The following ZFR2 variants were observed in gnomAD, a reference collection of about 807,000 sequenced individuals.
ZFR2 encodes the protein zinc finger RNA binding protein 2.
ZFR2 carries 104 observed loss-of-function variants against 105.7 expected under a neutral mutation model. The observed-to-expected ratio is 0.98, with a 90% CI of 0.84 to 1.16. The LOEUF (loss-of-function observed/expected upper bound fraction) is 1.16. ZFR2 is among the 50% of genes most tolerant of loss of function. The pLI is 0.00. For missense variants in ZFR2, 1,425 were observed against 1,355.5 expected (o/e 1.05, Z -0.80); for synonymous variants, 634 against 597.7 (o/e 1.06, Z -0.89).
intron 14 of ZFR2, among the ~76,000 whole-genome samples, chr19:3,812,375 C>G (rs1025251224): frequency 6.6e-6 from 1 of 152,116 alleles, no homozygotes; most frequent in African/African-American, 2.4e-5. Flanking sequence ...CCGCTGTGCC[C>G]GACCTAAAAA....
intron 18 of ZFR2, among the ~76,000 whole-genome samples, chr19:3,806,588 G>C (rs2037699633): frequency 2.6e-5 from 4 of 152,176 alleles, no homozygotes; most frequent in African/African-American, 9.7e-5. Context: ...TGCGGAGCTT[G>C]GGTCACTGCA....
intron 14 of ZFR2, among the ~76,000 whole-genome samples, chr19:3,812,246 AT>A (rs2037773717): frequency 6.6e-6 from 1 of 151,768 alleles, no homozygotes; most frequent in South Asian, 2.1e-4. Context: ...GCCTGGCCAA[AT>A]TTTTTTGTTT....
intron 1 of ZFR2, among the ~76,000 whole-genome samples, chr19:3,867,788 C>T (rs565990100): frequency 9.2e-4 from 140 of 152,144 alleles, no homozygotes; most frequent in African/African-American, 3.2e-3. Flanking sequence ...TCCCCACCAA[C>T]CTCGGTTTCC....
chr19:3,806,303 C>G (rs2145126637), intron 18 of ZFR2, among the ~76,000 whole-genome samples, 178 bp from the exon 19 acceptor site: 1 of 152,332 alleles, frequency 6.6e-6, no homozygotes, highest in Non-Finnish European at 1.5e-5. Flanking sequence ...CGCTCTGTCA[C>G]CCAGGCTGGA....
At chr19:3,817,970 CCA>C (rs200564438) in intron 12 of ZFR2, among the ~76,000 whole-genome samples, 2,028 of 152,316 alleles carry the variant, frequency 0.013, 23 homozygotes, top group Middle Eastern at 0.024. Context: ...ACAGGCCAAT[CCA>C]CAGAGACAGG....
At chr19:3,868,740 G>A (rs1242286902) in intron 1 of ZFR2, among the ~76,000 whole-genome samples, 1 of 152,070 alleles carries the variant, frequency 6.6e-6, no homozygotes, top group African/African-American at 2.4e-5. Context: ...GTTGGCTGCA[G>A]AGACGTCTCA....
chr19:3,857,427 G>A (rs1165882136), intron 1 of ZFR2, among the ~76,000 whole-genome samples: 2 of 151,812 alleles, frequency 1.3e-5, no homozygotes, highest in Admixed American at 6.6e-5. Context: ...CAAACTGGCC[G>A]GGTGTGGTGG....
At chr19:3,807,364 G>A (rs1401066950) in intron 17 of ZFR2, 95 bp from the exon 18 acceptor site, 4 of 872,248 alleles carry the variant, frequency 4.6e-6, no homozygotes, top group African/African-American at 1.7e-5. Context: ...GGCCTCAGGG[G>A]CCCGTGCATG....
At chr19:3,844,026 G>GGGGT (rs2038163796) in intron 1 of ZFR2, among the ~76,000 whole-genome samples, 1 of 124,142 alleles carries the variant, frequency 8.1e-6, no homozygotes, top group Non-Finnish European at 1.7e-5. Context: ...GGGGGGGGGT[G>GGGGT]CCAGGGACCG....
rs117552166 is a variant in ZFR2, at chr19:3,849,803, C to T, written c.54-14820G>A. Among the ~76,000 whole-genome samples, 122 of 152,296 alleles carry T rather than the reference C, an allele frequency of 8.0e-4. 1 individual carries two copies. In the East Asian group the frequency reaches 0.017, roughly 21 times the overall value. On this transcript the variant is annotated intron_variant, in intron 1 of 18. Transcript: ENST00000262961. ...AACCCTGAACAGCAATGCTCAGGCA[C>T]GCTACAGTTTGGAATCCACTGAGCC... is the stretch of plus-strand genomic sequence containing the variant.
At chr19:3,840,395 G>A (rs747248648) in intron 1 of ZFR2, among the ~76,000 whole-genome samples, 1 of 151,832 alleles carries the variant, frequency 6.6e-6, no homozygotes, top group Non-Finnish European at 1.5e-5. Context: ...CTACCATCAT[G>A]CCGGGCTAAT....
intron 1 of ZFR2, among the ~76,000 whole-genome samples, chr19:3,865,347 T>A (rs1175029012): frequency 6.6e-6 from 1 of 152,058 alleles, no homozygotes. Flanking sequence ...ACGGTTATCA[T>A]TTTTTTGTTC....
In ZFR2 at chr19:3,858,175, G is replaced by T. The variant is rs2038329962; in HGVS notation, c.53+10790C>A. 6.6e-6 allele frequency among the ~76,000 whole-genome samples: 1 copy of T among 152,112 alleles called. No homozygotes were observed. The highest frequency in any genetic ancestry group is 1.5e-5 in the Non-Finnish European group (1 of 68,044). ...ACGTCAAGGCCTAGGGGATGGAATGGGCCCATCTGAGCTGCCCACGTCACC... is the reference window on the plus strand; with the variant it reads ...ACGTCAAGGCCTAGGGGATGGAATGTGCCCATCTGAGCTGCCCACGTCACC... On this transcript the variant is annotated intron_variant, in intron 1 of 18. Coordinates refer to ENST00000262961, the MANE Select transcript of ZFR2 (RefSeq NM_015174.2). This position sits in a 1 kb window ranked among gnomAD's most constrained non-coding sequence, Gnocchi z 4.3.
chr19:3,834,558 T>C lies in ZFR2; in HGVS notation c.264+215A>G, dbSNP rs566914574. Among the ~76,000 whole-genome samples, 2 of 152,234 alleles carry C rather than the reference T, an allele frequency of 1.3e-5. No individual in the cohort carries two copies. Among genetic ancestry groups the C allele is most frequent in the East Asian group, 3.9e-4 (2 of 5,170 alleles). ...CACTGCCCCGACGTGGAGGTACGCA[T>C]GCGGCCTGTCCCCGAGAGCAGTGGA... On this transcript the variant is annotated intron_variant, in intron 2 of 18. Coordinates refer to ENST00000262961, the MANE Select transcript of ZFR2 (RefSeq NM_015174.2). This position sits in a 1 kb window ranked among gnomAD's most constrained non-coding sequence, Gnocchi z 5.3.
chr19:3,807,930 T>C (rs2037718215), intron 17 of ZFR2, among the ~76,000 whole-genome samples: 1 of 147,888 alleles, frequency 6.8e-6, no homozygotes, highest in South Asian at 2.2e-4. Context: ...CATGTGTGCA[T>C]GCATGTCTGT....
intron 1 of ZFR2, among the ~76,000 whole-genome samples, chr19:3,843,398 G>C (rs945435752): frequency 3.9e-5 from 6 of 152,202 alleles, no homozygotes; most frequent in Non-Finnish European, 8.8e-5. Context: ...TTGAACCCAG[G>C]AGGTGGAGGT....
rs2145150026 is a variant in ZFR2 at position 3,823,349 on chromosome 19, T to C, written c.1268A>G (p.Gln423Arg). ...GCRPQWGKPA[Q>R]PKLEGPGAPT... ...TGCTCCGGGACCCTCTAATTTAGGT[T>C]GGGCTGGTTTCCCCCACTGGGGTCT... is the stretch of plus-strand genomic sequence containing the variant. Residue 423 changes from glutamine to arginine, a missense_variant, in exon 8 of 19, where the codon CAA (glutamine) becomes CGA (arginine). Coordinates refer to ENST00000262961, the MANE Select transcript of ZFR2 (RefSeq NM_015174.2). The surrounding 1 kb of genome is among the most constrained non-coding windows in gnomAD (Gnocchi z 5.4). The C allele has an allele frequency of 6.2e-7, 1 of 1,613,856 alleles. No individual in the cohort carries two copies. The highest frequency in any genetic ancestry group is 8.5e-7 in the Non-Finnish European group (1 of 1,179,802).
In ZFR2 at chr19:3,813,669, G is replaced by A; in HGVS notation, c.2242+151C>T. The A allele has an allele frequency of 1.7e-6, 2 of 1,151,784 alleles. No individual in the cohort carries two copies. Among genetic ancestry groups the A allele is most frequent in the Non-Finnish European group, 2.4e-6 (2 of 825,324 alleles). The allele number at this position is 1,151,784 out of a possible 1,614,324, so 71.3% of individuals were successfully genotyped here. A position where few individuals can be genotyped will look rare whatever the true frequency, so the allele number is the denominator to read the frequency against. ...GAGACCCAGCTCTTGTGTGACCCAT[G>A]GAATCCTCAGGGGGACAGCAGTGCT... On this transcript the variant is annotated intron_variant, in intron 14 of 18. Coordinates refer to ENST00000262961, the MANE Select transcript of ZFR2 (RefSeq NM_015174.2). The surrounding 1 kb of genome is among the most constrained non-coding windows in gnomAD (Gnocchi z 4.4).
chr19:3,814,714 T>C (rs1488720367), intron 13 of ZFR2, among the ~76,000 whole-genome samples: 1 of 152,220 alleles, frequency 6.6e-6, no homozygotes, highest in Non-Finnish European at 1.5e-5. Flanking sequence ...GCCACTGTCA[T>C]GTTGTAGGTG....
Sources: allele counts gnomAD v4.1 joint callset (sites outside exome capture counted in the v4.1 genomes callset), GRCh38; gene constraint gnomAD v4.1.1; non-coding constraint Gnocchi (gnomAD v3.1); transcripts MANE v1.5; gene names NCBI Gene and HGNC (gene_info 2026-07-23, HGNC 2026-07-21).